PCDHGB7: variants seen among roughly 807,000 people sequenced by gnomAD.
PCDHGB7 encodes the protein protocadherin gamma subfamily B, 7.
In PCDHGB7, 37 loss-of-function variants were observed where a neutral mutation model predicts 61.4. The ratio of observed to expected loss-of-function variants is 0.60; its 90% confidence interval spans 0.46 to 0.79. PCDHGB7 has a LOEUF of 0.79. PCDHGB7 is among the 30% of genes least tolerant of loss of function. The pLI is 0.00. For missense variants in PCDHGB7, 1,166 were observed against 1,202.5 expected (o/e 0.97, Z 0.45); for synonymous variants, 464 against 503.5 (o/e 0.92, Z 1.05).
rs2097424370 is a variant in PCDHGB7, at chr5:141,431,859, C to G, written c.2415+11585C>G. On this transcript the variant is annotated intron_variant, in intron 1 of 3. Coordinates refer to ENST00000398594, the MANE Select transcript of PCDHGB7 (RefSeq NM_018927.4). The surrounding 1 kb of genome is among the most constrained non-coding windows in gnomAD (Gnocchi z 4.8). ...AACTCTCCCAGAGGGACATTAATTG[C>G]CCTTTTAAATGTAAATGACCAAGAT... is the stretch of plus-strand genomic sequence containing the variant. The G allele has an allele frequency of 1.2e-6, 2 of 1,614,060 alleles. No individual in the cohort carries two copies. Among genetic ancestry groups the G allele is most frequent in the Middle Eastern group, 3.3e-4 (2 of 6,084 alleles).
intron 1 of PCDHGB7, among the ~76,000 whole-genome samples, chr5:141,446,280 A>G (rs1011084291): frequency 2.6e-5 from 4 of 152,162 alleles, no homozygotes; most frequent in South Asian, 2.1e-4. Context: ...AATACAATGG[A>G]TAAATGGGGA....
intron 1 of PCDHGB7, chr5:141,427,241 T>C (rs1381559575): frequency 4.4e-6 from 2 of 456,696 alleles, no homozygotes; most frequent in Admixed American, 2.3e-5. Flanking sequence ...GAGTAGAAGC[T>C]AAGGATGGTG....
chr5:141,468,820 C>G (rs1055751689), intron 1 of PCDHGB7, among the ~76,000 whole-genome samples: 1 of 151,830 alleles, frequency 6.6e-6, no homozygotes, highest in Non-Finnish European at 1.5e-5. Context: ...GAGCCAAGAT[C>G]AAGCCACTGC....
In PCDHGB7 at chr5:141,489,872, T is replaced by A. The variant is rs2099693206; in HGVS notation, c.2416-4935T>A. 1 of 1,614,090 alleles carries A rather than the reference T, an allele frequency of 6.2e-7. No homozygotes were observed. The highest frequency in any genetic ancestry group is 8.5e-7 in the Non-Finnish European group (1 of 1,180,016). On this transcript the variant is annotated intron_variant, in intron 1 of 3. Coordinates refer to ENST00000398594, the MANE Select transcript of PCDHGB7 (RefSeq NM_018927.4). The surrounding 1 kb of genome is among the most constrained non-coding windows in gnomAD (Gnocchi z 4.5). ...GAAGCCCAGGCAAGACATCAGCTGG[T>A]GCTTACTGCTGTGGATGGGGGGACC...
chr5:141,476,070 C>T lies in PCDHGB7; in HGVS notation c.2416-18737C>T. ...CCCGCTGAAAGTTTCTCAGCGAAAT[C>T]TCAGGGACGATCTGGACCCCGCTGA... is the stretch of plus-strand genomic sequence containing the variant. On this transcript the variant is annotated intron_variant, in intron 1 of 3. Transcript: ENST00000398594. This position sits in a 1 kb window ranked among gnomAD's most constrained non-coding sequence, Gnocchi z 7.6. 6.6e-7 allele frequency: 1 copy of T among 1,522,382 alleles called. No individual in the cohort carries two copies. The highest frequency in any genetic ancestry group is 1.3e-5 in the South Asian group (1 of 77,762). 94.3% of individuals were successfully genotyped at this position (1,522,382 alleles called of 1,614,324 possible). A position where few individuals can be genotyped will look rare whatever the true frequency, so the allele number is the denominator to read the frequency against.
intron 1 of PCDHGB7, among the ~76,000 whole-genome samples, chr5:141,444,735 C>G (rs924159168): frequency 6.6e-6 from 1 of 152,116 alleles, no homozygotes; most frequent in Admixed American, 6.5e-5. Flanking sequence ...TGTTGAAAGT[C>G]ATTTCACTGA....
At chr5:141,440,484 A>G (rs190024112) in intron 1 of PCDHGB7, 36 of 152,300 alleles carry the variant, frequency 2.4e-4, no homozygotes, top group Non-Finnish European at 4.7e-4. Context: ...AATTCTTTAA[A>G]TGTTTTTCAC....
chr5:141,491,571 C>CT lies in PCDHGB7; in HGVS notation c.2416-3232dup. On this transcript the variant is annotated intron_variant, in intron 1 of 3. Coordinates refer to ENST00000398594, the MANE Select transcript of PCDHGB7 (RefSeq NM_018927.4). The surrounding 1 kb of genome is among the most constrained non-coding windows in gnomAD (Gnocchi z 6.9). ...CGCAGAGCCACTGCTACAGGACGTG[C>CT]TTTTCACCGGCCTCGGACGGCAGTG... 6.2e-7 allele frequency: 1 copy of CT among 1,614,026 alleles called. No homozygotes were observed. Among genetic ancestry groups the CT allele is most frequent in the Non-Finnish European group, 8.5e-7 (1 of 1,180,042 alleles).
rs1260087339 is a variant in PCDHGB7, at chr5:141,419,334, T to C, written c.1475T>C (p.Ile492Thr). ...AACGGCCGTGTCTCCTACTCTCTCATTGCCAGCGACCTGGAGTCACGAACG... is the reference window on the plus strand; with the variant it reads ...AACGGCCGTGTCTCCTACTCTCTCACTGCCAGCGACCTGGAGTCACGAACG... ...GLNGRVSYSL[I>T]ASDLESRTLS... Residue 492 changes from isoleucine (I) to threonine (T), a missense_variant, in exon 1 of 4, where the codon ATT becomes ACT. Ile to Thr is a moderately conservative substitution (Grantham distance 89). Transcript: ENST00000398594. 1.9e-6 allele frequency: 3 copies of C among 1,613,870 alleles called. No homozygotes were observed. The highest frequency in any genetic ancestry group is 8.5e-7 in the Non-Finnish European group (1 of 1,179,876).
intron 1 of PCDHGB7, chr5:141,475,983 C>A: frequency 9.5e-7 from 1 of 1,049,244 alleles, no homozygotes; most frequent in Non-Finnish European, 1.4e-6. Context: ...GAACAGCCGG[C>A]GAGCAAATCA....
At chr5:141,498,137 G>T (rs1319960274) in intron 2 of PCDHGB7, among the ~76,000 whole-genome samples, 1 of 152,204 alleles carries the variant, frequency 6.6e-6, no homozygotes, top group Non-Finnish European at 1.5e-5. Context: ...GGAGCAGGAG[G>T]ACATCCTGGA....
Position 141,491,364 on chromosome 5 carries a change from C to T in PCDHGB7, c.2416-3443C>T. 1 of 1,614,164 alleles carries T rather than the reference C, an allele frequency of 6.2e-7. No homozygotes were observed. The highest frequency in any genetic ancestry group is 8.5e-7 in the Non-Finnish European group (1 of 1,180,000). On this transcript the variant is annotated intron_variant, in intron 1 of 3. Coordinates refer to ENST00000398594, the MANE Select transcript of PCDHGB7 (RefSeq NM_018927.4). This position sits in a 1 kb window ranked among gnomAD's most constrained non-coding sequence, Gnocchi z 6.9. The stretch of plus-strand genomic sequence containing the variant: ...CCGTCAGTCTCTTATCCCTAGTCAC[C>T]TTCACCTTTCTGTCAGCGAAGTGCC...
rs530622003 is a variant in PCDHGB7, at chr5:141,437,077, T to G, written c.2415+16803T>G. ...TGATCATTATTTGGTTTGGGCCATA[T>G]AAGAATTGAAACTAACGGCTTAGCT... On this transcript the variant is annotated intron_variant, in intron 1 of 3. Transcript: ENST00000398594. Among the ~76,000 whole-genome samples, 107 of 152,372 alleles carry G rather than the reference T, an allele frequency of 7.0e-4. 1 individual carries two copies. The highest frequency in any genetic ancestry group is 6.4e-3 in the South Asian group (31 of 4,828).
At position 141,430,917 on chromosome 5, in the gene PCDHGB7, G is replaced by A. The variant is rs2097324810; in HGVS notation, c.2415+10643G>A. ...GTGGGCGACATCTCCAGGGACCTGG[G>A]GCTGGAGCCCCGGGAGCTCGCGGAG... On this transcript the variant is annotated intron_variant, in intron 1 of 3. Coordinates refer to ENST00000398594, the MANE Select transcript of PCDHGB7 (RefSeq NM_018927.4). The A allele has an allele frequency of 1.9e-6, 3 of 1,607,956 alleles. No individual in the cohort carries two copies. The highest frequency in any genetic ancestry group is 2.5e-6 in the Non-Finnish European group (3 of 1,177,520).
chr5:141,507,296 C>T (rs1020117646), intron 3 of PCDHGB7: 1 of 141,360 alleles, frequency 7.1e-6, no homozygotes, highest in Non-Finnish European at 1.5e-5. Flanking sequence ...TCAAATGTTG[C>T]ATGAGACATA....
intron 1 of PCDHGB7, among the ~76,000 whole-genome samples, chr5:141,482,605 C>T (rs2099569133): frequency 6.7e-6 from 1 of 150,032 alleles, no homozygotes; most frequent in Admixed American, 6.6e-5. Flanking sequence ...GAAAAAACAC[C>T]TAAATGAGCC....
At chr5:141,428,223 A>G in intron 1 of PCDHGB7, 1 of 1,169,680 alleles carries the variant, frequency 8.5e-7, no homozygotes. Context: ...TAGTCTTCGC[A>G]GACAGCCTGC....
intron 1 of PCDHGB7, among the ~76,000 whole-genome samples, chr5:141,462,068 C>T (rs1006462521): frequency 6.6e-6 from 1 of 152,196 alleles, no homozygotes; most frequent in African/African-American, 2.4e-5. Context: ...GGTGATCTGC[C>T]CGCCTTGGCC....
intron 1 of PCDHGB7, among the ~76,000 whole-genome samples, chr5:141,467,414 C>A (rs1410743140): frequency 6.6e-5 from 10 of 152,168 alleles, no homozygotes; most frequent in African/African-American, 1.2e-4. Flanking sequence ...CCTTTCCCCA[C>A]ACCTAGGTTA....
Sources: gnomAD v4.1 joint callset for allele counts (sites outside exome capture counted in the v4.1 genomes callset) on GRCh38, gnomAD v4.1.1 for gene constraint, Gnocchi (gnomAD v3.1) non-coding constraint, MANE v1.5 for transcripts, NCBI Gene and HGNC (gene_info 2026-07-23, HGNC 2026-07-21) for gene names.